Variants in PRKCE observed in about 807,000 individuals in gnomAD.
The protein encoded by PRKCE is protein kinase C epsilon type.
PRKCE carries 16 observed loss-of-function variants against 85.4 expected under a neutral mutation model. That is an observed-to-expected ratio of 0.19 (90% CI 0.13 to 0.28). PRKCE has a LOEUF of 0.28. Ranked by LOEUF, PRKCE falls within the 10% of genes least tolerant of loss-of-function variation. PRKCE has a pLI of 1.00. For synonymous variants in PRKCE, 388 were observed against 371.5 expected, an observed-to-expected ratio of 1.04 and a Z score of -0.51; for missense variants, 573 against 975.2, an observed-to-expected ratio of 0.59 and a Z score of 5.49.
chr2:45,968,061 T>TGG (rs1701848695), intron 2 of PRKCE, among the ~76,000 whole-genome samples: 1 of 152,176 alleles, frequency 6.6e-6, no homozygotes, highest in Admixed American at 6.5e-5. Flanking sequence ...CCCAAGATCA[T>TGG]GCATGTTGGC....
intron 10 of PRKCE, among the ~76,000 whole-genome samples, chr2:46,014,414 TGCTTATCA>T (rs200143967): frequency 0.011 from 1,661 of 152,308 alleles, 37 homozygotes; most frequent in African/African-American, 0.038. Context: ...AAAGGTAGGG[TGCTTATCA>T]GCTTATCAAA....
intron 1 of PRKCE, among the ~76,000 whole-genome samples, chr2:45,734,798 A>G (rs551013613): frequency 5.3e-5 from 8 of 152,240 alleles, no homozygotes; most frequent in Admixed American, 5.2e-4. Context: ...CCCCAGGACT[A>G]TTGCCTCAGC....
intron 2 of PRKCE, among the ~76,000 whole-genome samples, chr2:45,904,878 G>C (rs1039599742): frequency 6.6e-6 from 1 of 152,202 alleles, no homozygotes; most frequent in Admixed American, 6.5e-5. Context: ...CCTATGTGCT[G>C]TGAATGTGTT....
chr2:45,674,944 G>C (rs1271861980), intron 1 of PRKCE: 1 of 152,200 alleles, frequency 6.6e-6, no homozygotes, highest in African/African-American at 2.4e-5. Context: ...ATTTTTGGTA[G>C]CAAGATTTTC....
intron 11 of PRKCE, among the ~76,000 whole-genome samples, chr2:46,131,767 G>A (rs988079813): frequency 6.6e-6 from 1 of 152,158 alleles, no homozygotes; most frequent in Non-Finnish European, 1.5e-5. Context: ...CCTTGAAAAA[G>A]GGCATGTCTC....
intron 10 of PRKCE, among the ~76,000 whole-genome samples, chr2:46,077,512 A>C (rs922217750): frequency 6.6e-6 from 1 of 152,224 alleles, no homozygotes; most frequent in Non-Finnish European, 1.5e-5. Context: ...GGCCTTTGCT[A>C]TAGGAGTTTG....
At position 45,695,852 on chromosome 2, in the gene PRKCE, G is replaced by C. The variant is rs553879274; in HGVS notation, c.348+43404G>C. Among the ~76,000 whole-genome samples, 6 of 152,278 alleles carry C rather than the reference G, an allele frequency of 3.9e-5. No homozygotes were observed. The South Asian group carries it at 1.2e-3, about 32-fold the overall frequency. On this transcript the variant is annotated intron_variant, in intron 1 of 14. Transcript: ENST00000306156. Reference sequence around the variant, plus strand: ...CTCATGGGGAAGAGGGTGGAGAGCAGAAAAAAGAAACAGATTTTAACGTCA... The same window carrying C: ...CTCATGGGGAAGAGGGTGGAGAGCACAAAAAAGAAACAGATTTTAACGTCA...
rs531739526 is a variant in PRKCE at position 46,089,735 on chromosome 2, G to T, written c.1592+3373G>T. Among the ~76,000 whole-genome samples, 34 of 152,328 alleles carry T rather than the reference G, an allele frequency of 2.2e-4. 1 individual carries two copies. In the South Asian group the frequency reaches 3.9e-3, roughly 18 times the overall value. ...AGCCCTCAGCAAGAGATGCTTTTCT[G>T]CCCAGAGGAGATGGAGTTTTATGCT... On this transcript the variant is annotated intron_variant, in intron 11 of 14. Coordinates refer to ENST00000306156, the MANE Select transcript of PRKCE (RefSeq NM_005400.3).
chr2:46,067,439 T>C (rs1354531948), intron 10 of PRKCE, among the ~76,000 whole-genome samples: 1 of 152,252 alleles, frequency 6.6e-6, no homozygotes, highest in Admixed American at 6.5e-5. Flanking sequence ...CAGGAGTACC[T>C]GTTAGCCGAA....
intron 2 of PRKCE, among the ~76,000 whole-genome samples, chr2:45,961,649 G>A (rs1043676832): frequency 1.3e-5 from 2 of 152,038 alleles, no homozygotes; most frequent in Non-Finnish European, 2.9e-5. Flanking sequence ...TTTCAGAGGT[G>A]TAGCAGCCTG....
intron 6 of PRKCE, among the ~76,000 whole-genome samples, chr2:45,999,351 G>T (rs943122572): frequency 1.3e-5 from 2 of 152,094 alleles, no homozygotes; most frequent in African/African-American, 4.8e-5. Flanking sequence ...ATATTGCAGG[G>T]TAGAGAATTC....
At chr2:45,845,061 C>CTATTTTTCTACT (rs1196529298) in intron 2 of PRKCE, among the ~76,000 whole-genome samples, 1 of 137,376 alleles carries the variant, frequency 7.3e-6, no homozygotes, top group African/African-American at 2.7e-5. Flanking sequence ...CATTTTTCTA[C>CTATTTTTCTACT]TTTTTTTTTT....
At chr2:45,813,457 G>A (rs1020595069) in intron 1 of PRKCE, among the ~76,000 whole-genome samples, 1 of 152,218 alleles carries the variant, frequency 6.6e-6, no homozygotes, top group Non-Finnish European at 1.5e-5. Flanking sequence ...GGAGACAGGA[G>A]TGCAGACGGG....
chr2:45,773,376 G>C (rs1225173139), intron 1 of PRKCE, among the ~76,000 whole-genome samples: 1 of 152,180 alleles, frequency 6.6e-6, no homozygotes, highest in East Asian at 1.9e-4. Context: ...CATTGAGCCT[G>C]GCCCTGTGCT....
chr2:46,107,037 T>C (rs1290420801), intron 11 of PRKCE, among the ~76,000 whole-genome samples: 1 of 152,264 alleles, frequency 6.6e-6, no homozygotes, highest in Non-Finnish European at 1.5e-5. Context: ...TTTCACTCTT[T>C]GTGCTATAAA....
chr2:45,902,570 G>T (rs556466813), intron 2 of PRKCE, among the ~76,000 whole-genome samples: 1 of 152,230 alleles, frequency 6.6e-6, no homozygotes, highest in African/African-American at 2.4e-5. Flanking sequence ...AGTCAGAAAT[G>T]AGGAACTGGC....
chr2:45,940,491 T>C (rs952700376), intron 2 of PRKCE, among the ~76,000 whole-genome samples: 13 of 152,290 alleles, frequency 8.5e-5, no homozygotes, highest in African/African-American at 2.9e-4. Context: ...CAAAAATATT[T>C]GGAGACGTCT....
intron 2 of PRKCE, among the ~76,000 whole-genome samples, chr2:45,932,797 C>T (rs554028442): frequency 1.5e-4 from 23 of 152,316 alleles, no homozygotes; most frequent in Admixed American, 2.6e-4. Flanking sequence ...TCTACTCCCC[C>T]CAGCCCCGGG....
chr2:46,128,498 T>C (rs1674092358), intron 11 of PRKCE, among the ~76,000 whole-genome samples: 1 of 152,212 alleles, frequency 6.6e-6, no homozygotes, highest in African/African-American at 2.4e-5. Context: ...TAAGTGAGAC[T>C]AAGACATTGT....
Sources: allele counts gnomAD v4.1 joint callset (sites outside exome capture counted in the v4.1 genomes callset), GRCh38; gene constraint gnomAD v4.1.1; transcripts MANE v1.5; gene names NCBI Gene and HGNC (gene_info 2026-07-23, HGNC 2026-07-21).